CSMD1: variants seen among roughly 807,000 people sequenced by gnomAD.
The protein encoded by CSMD1 is CUB and Sushi multiple domains 1.
Under a neutral mutation model 417.5 loss-of-function variants are expected in CSMD1, and 213 were observed. The observed-to-expected ratio is 0.51, with a 90% CI of 0.46 to 0.57. The LOEUF (loss-of-function observed/expected upper bound fraction) is 0.57. Ranked by LOEUF, CSMD1 falls within the 20% of genes least tolerant of loss-of-function variation. The pLI, the probability that CSMD1 is intolerant of heterozygous loss-of-function variation, is 0.00. For synonymous variants in CSMD1, 2,862 were observed against 1,736.8 expected, an observed-to-expected ratio of 1.65 and a Z score of -16.11; for missense variants, 6,923 against 4,529.7, an observed-to-expected ratio of 1.53 and a Z score of -15.17.
Position 3,022,559 on chromosome 8 carries a change from T to G in CSMD1, c.7856-3909A>C, listed in dbSNP as rs1477910936. On this transcript the variant is annotated intron_variant, in intron 51 of 69. Transcript: ENST00000635120. ...TATCAACTTTAAAAAACACTTGTAT[T>G]GTGACATATCAGTTCTCATACCTGT... 2.0e-5 allele frequency among the ~76,000 whole-genome samples: 3 copies of G among 152,330 alleles called. No homozygotes were observed. The East Asian group carries it at 5.8e-4, about 29-fold the overall frequency.
chr8:4,910,238 T>C (rs968577542), intron 1 of CSMD1, among the ~76,000 whole-genome samples: 12 of 152,334 alleles, frequency 7.9e-5, no homozygotes, highest in Non-Finnish European at 1.3e-4. Context: ...GAAATGTGAC[T>C]ATTTACACTT....
chr8:3,069,981 G>C (rs895816387), intron 49 of CSMD1, among the ~76,000 whole-genome samples: 1 of 152,224 alleles, frequency 6.6e-6, no homozygotes, highest in African/African-American at 2.4e-5. Context: ...AAGCTGTCAA[G>C]GTGTATGGCT....
chr8:3,672,121 C>G (rs73183309), intron 7 of CSMD1, among the ~76,000 whole-genome samples: 23,770 of 152,090 alleles, frequency 0.16, 2,069 homozygotes, highest in South Asian at 0.22. Context: ...AGGTTAGGTG[C>G]TGTCTACTTC....
At chr8:3,979,718 C>G (rs888298031) in intron 5 of CSMD1, among the ~76,000 whole-genome samples, 1 of 152,190 alleles carries the variant, frequency 6.6e-6, no homozygotes, top group Non-Finnish European at 1.5e-5. Context: ...ACTGAATAAG[C>G]TGGAACCTTG....
At position 4,018,878 on chromosome 8, in the gene CSMD1, G is replaced by A. The variant is rs994921534; in HGVS notation, c.610+13027C>T. Reference sequence around the variant, plus strand: ...GATGGAGTCTCATCTAAACCAGAGGGATGATGATAATATATAACTTCTAGA... The same window carrying A: ...GATGGAGTCTCATCTAAACCAGAGGAATGATGATAATATATAACTTCTAGA... On this transcript the variant is annotated intron_variant, in intron 4 of 69. Coordinates refer to ENST00000635120, the MANE Select transcript of CSMD1 (RefSeq NM_033225.6). Among the ~76,000 whole-genome samples, 8 of 152,098 alleles carry A rather than the reference G, an allele frequency of 5.3e-5. No homozygotes were observed. The East Asian group carries it at 9.7e-4, about 18-fold the overall frequency.
intron 12 of CSMD1, among the ~76,000 whole-genome samples, chr8:3,442,544 A>G (rs185482770): frequency 6.6e-6 from 1 of 152,216 alleles, no homozygotes; most frequent in Non-Finnish European, 1.5e-5. Context: ...TTACAGTCAC[A>G]TGCTGTACAG....
At chr8:4,512,643 G>C (rs547196276) in intron 2 of CSMD1, among the ~76,000 whole-genome samples, 1 of 151,772 alleles carries the variant, frequency 6.6e-6, no homozygotes, top group Non-Finnish European at 1.5e-5. Context: ...TTATATACCG[G>C]CAATGAAATG....
At chr8:4,355,281 G>T (rs1462757311) in intron 3 of CSMD1, among the ~76,000 whole-genome samples, 1 of 151,108 alleles carries the variant, frequency 6.6e-6, no homozygotes, top group Admixed American at 6.6e-5. Flanking sequence ...TATACCTTTT[G>T]TGGACACAGG....
chr8:4,812,559 G>C (rs968142966), intron 1 of CSMD1, among the ~76,000 whole-genome samples: 14 of 151,866 alleles, frequency 9.2e-5, no homozygotes, highest in Non-Finnish European at 8.8e-5. Context: ...TATACCACAT[G>C]AATTTATCAA....
intron 7 of CSMD1, among the ~76,000 whole-genome samples, chr8:3,618,865 C>T (rs966171542): frequency 3.9e-5 from 6 of 152,184 alleles, no homozygotes; most frequent in Non-Finnish European, 4.4e-5. Flanking sequence ...GACCAGTTTC[C>T]TCTCTAGGTA....
chr8:3,173,161 C>A (rs867272188), intron 37 of CSMD1, among the ~76,000 whole-genome samples: 2 of 152,176 alleles, frequency 1.3e-5, no homozygotes, highest in South Asian at 4.1e-4. Flanking sequence ...CTGTCCCTTA[C>A]ACTGAGTAAT....
At chr8:3,062,293 T>A (rs1812638470) in intron 49 of CSMD1, among the ~76,000 whole-genome samples, 1 of 151,904 alleles carries the variant, frequency 6.6e-6, no homozygotes, top group African/African-American at 2.4e-5. Flanking sequence ...AGATAGAAAA[T>A]AACAGCAAGA....
chr8:4,329,796 C>G (rs1262080289), intron 3 of CSMD1, among the ~76,000 whole-genome samples: 2 of 151,740 alleles, frequency 1.3e-5, no homozygotes, highest in South Asian at 2.1e-4. Flanking sequence ...AGCTTTTGCT[C>G]CAAGTTCTCA....
chr8:3,167,325 A>G (rs1352479978), intron 37 of CSMD1, among the ~76,000 whole-genome samples: 1 of 151,616 alleles, frequency 6.6e-6, no homozygotes, highest in Non-Finnish European at 1.5e-5. Flanking sequence ...TTCACAAACT[A>G]TTAGGTTGGC....
At chr8:4,272,606 G>A (rs1257603794) in intron 3 of CSMD1, among the ~76,000 whole-genome samples, 1 of 152,122 alleles carries the variant, frequency 6.6e-6, no homozygotes, top group Non-Finnish European at 1.5e-5. Context: ...GGGCTTTTAT[G>A]TGCCTGTTTT....
chr8:3,169,060 T>C (rs1820420254), intron 37 of CSMD1, among the ~76,000 whole-genome samples: 1 of 152,230 alleles, frequency 6.6e-6, no homozygotes, highest in Admixed American at 6.5e-5. Context: ...TATTTTGGTC[T>C]ACGTACCACC....
At chr8:3,203,459 T>A (rs1797097858) in intron 31 of CSMD1, among the ~76,000 whole-genome samples, 1 of 152,182 alleles carries the variant, frequency 6.6e-6, no homozygotes, top group Non-Finnish European at 1.5e-5. Context: ...CCGCGGGAAC[T>A]GTCAATGCTT....
Position 2,937,738 on chromosome 8 carries a change from C to T in CSMD1, c.*847G>A, listed in dbSNP as rs866005841. The T allele has an allele frequency of 1.3e-5, 2 of 152,526 alleles. No individual in the cohort carries two copies. Among genetic ancestry groups the T allele is most frequent in the Non-Finnish European group, 2.9e-5 (2 of 68,028 alleles). 9.4% of individuals were successfully genotyped at this position (152,526 alleles called of 1,614,324 possible). A position where few individuals can be genotyped will look rare whatever the true frequency, so the allele number is the denominator to read the frequency against. On this transcript the variant is annotated 3_prime_UTR_variant, in exon 70 of 70. Coordinates refer to ENST00000635120, the MANE Select transcript of CSMD1 (RefSeq NM_033225.6). ...GAAGCAATAATAAAATAAATCTCTT[C>T]AATACTGTATTTCCTTTTAAAATCT...
rs943017675 is a variant in CSMD1 at position 2,936,372 on chromosome 8, T to C, written c.*2213A>G. The C allele has an allele frequency of 1.7e-4, 24 of 144,026 alleles. No homozygotes were observed. The highest frequency in any genetic ancestry group is 3.1e-4 in the Non-Finnish European group (21 of 66,980). The allele number at this position is 144,026 out of a possible 1,614,324, so 8.9% of individuals were successfully genotyped here. ...ATGACTCAAACTTAGATATGTACAA[T>C]ATATATATATATATATGTATGTATA... On this transcript the variant is annotated 3_prime_UTR_variant, in exon 70 of 70. Coordinates refer to ENST00000635120, the MANE Select transcript of CSMD1 (RefSeq NM_033225.6).
Sources: gnomAD v4.1 joint callset for allele counts (sites outside exome capture counted in the v4.1 genomes callset) on GRCh38, gnomAD v4.1.1 for gene constraint, MANE v1.5 for transcripts, NCBI Gene and HGNC (gene_info 2026-07-23, HGNC 2026-07-21) for gene names.